Variants in STEAP1B observed in about 807,000 individuals in gnomAD.
The protein encoded by STEAP1B is STEAP family protein MGC87042.
STEAP1B carries 13 observed loss-of-function variants against 27.9 expected under a neutral mutation model. That is an observed-to-expected ratio of 0.47 (90% CI 0.30 to 0.74). The LOEUF (loss-of-function observed/expected upper bound fraction) is 0.74. Among genes scored for constraint, STEAP1B ranks in the 30% least tolerant of loss-of-function variants. The pLI, the probability that STEAP1B is intolerant of heterozygous loss-of-function variation, is 0.06. For missense variants in STEAP1B, 250 were observed against 298.7 expected (o/e 0.84, Z 1.20); for synonymous variants, 86 against 107.1 (o/e 0.80, Z 1.22).
chr7:22,420,696 C>G (rs562953178), intron 4 of STEAP1B, among the ~76,000 whole-genome samples: 4 of 152,362 alleles, frequency 2.6e-5, no homozygotes, highest in African/African-American at 9.6e-5. Context: ...GACTTGAGAG[C>G]TTCTCTGAGA....
At chr7:22,450,485 A>G (rs1189157418) in intron 4 of STEAP1B, among the ~76,000 whole-genome samples, 1 of 152,040 alleles carries the variant, frequency 6.6e-6, no homozygotes, top group Admixed American at 6.5e-5. Context: ...AGTTCACTGT[A>G]GGTGTCTGAA....
At chr7:22,475,862 G>A (rs918847535) in intron 4 of STEAP1B, among the ~76,000 whole-genome samples, 17 of 152,312 alleles carry the variant, frequency 1.1e-4, no homozygotes, top group African/African-American at 4.1e-4. Context: ...TTAGGGAAAG[G>A]GTGCTAAGTG....
intron 4 of STEAP1B, among the ~76,000 whole-genome samples, chr7:22,456,972 A>ATATATATATATATATATATATATTTTT: frequency 1.2e-4 from 7 of 57,070 alleles, no homozygotes; most frequent in Non-Finnish European, 2.0e-4. Context: ...ATATATATAT[A>ATATATATATATATATATATATATTTTT]TTTTTTTTTT....
At chr7:22,467,675 CTT>C (rs1448862672) in intron 4 of STEAP1B, among the ~76,000 whole-genome samples, 3 of 152,178 alleles carry the variant, frequency 2.0e-5, no homozygotes, top group Admixed American at 6.5e-5. Context: ...TCACTCTTCT[CTT>C]GTCTGCTGCC....
intron 1 of STEAP1B, among the ~76,000 whole-genome samples, chr7:22,499,684 G>A (rs1436341520): frequency 2.6e-5 from 4 of 152,158 alleles, no homozygotes; most frequent in Non-Finnish European, 1.5e-5. Flanking sequence ...GAAAACCTCT[G>A]TTACCAGGAA....
At chr7:22,449,299 C>T (rs1248000453) in intron 4 of STEAP1B, among the ~76,000 whole-genome samples, 1 of 152,202 alleles carries the variant, frequency 6.6e-6, no homozygotes, top group Non-Finnish European at 1.5e-5. Flanking sequence ...CCAAACACTA[C>T]CCTTCCCAGC....
chr7:22,472,429 TTGATGTCC>T (rs1241967307), intron 4 of STEAP1B, among the ~76,000 whole-genome samples: 1 of 152,140 alleles, frequency 6.6e-6, no homozygotes, highest in African/African-American at 2.4e-5. Flanking sequence ...CTTGGCGTCT[TTGATGTCC>T]TGCAGGTCAG....
intron 4 of STEAP1B, among the ~76,000 whole-genome samples, chr7:22,454,052 A>G (rs1044672519): frequency 1.2e-4 from 18 of 152,230 alleles, no homozygotes; most frequent in African/African-American, 4.3e-4. Flanking sequence ...TGGGTATTGT[A>G]TCAGTCCAAT....
chr7:22,469,860 A>C (rs1008892134), intron 4 of STEAP1B, among the ~76,000 whole-genome samples: 1 of 152,232 alleles, frequency 6.6e-6, no homozygotes, highest in Non-Finnish European at 1.5e-5. Flanking sequence ...CTATTGGATA[A>C]AGAAGTTACA....
At chr7:22,481,884 T>C (rs564011102) in intron 4 of STEAP1B, among the ~76,000 whole-genome samples, 2 of 152,176 alleles carry the variant, frequency 1.3e-5, no homozygotes, top group Admixed American at 1.3e-4. Flanking sequence ...CTGTAATCCT[T>C]GAGGGTGGGG....
At chr7:22,439,056 A>G (rs1785293022) in intron 4 of STEAP1B, among the ~76,000 whole-genome samples, 1 of 152,236 alleles carries the variant, frequency 6.6e-6, no homozygotes, top group Non-Finnish European at 1.5e-5. Flanking sequence ...GATGACATTT[A>G]CTATCCAACA....
At chr7:22,434,479 T>C (rs1339091148) in intron 4 of STEAP1B, among the ~76,000 whole-genome samples, 2 of 152,160 alleles carry the variant, frequency 1.3e-5, no homozygotes, top group Non-Finnish European at 2.9e-5. Flanking sequence ...GAATGTTTCC[T>C]TTCTTTCATA....
chr7:22,427,119 G>A (rs1785118719), intron 4 of STEAP1B, among the ~76,000 whole-genome samples: 1 of 152,196 alleles, frequency 6.6e-6, no homozygotes. Context: ...AGAGGCCCAG[G>A]CCACAGAGGA....
intron 4 of STEAP1B, among the ~76,000 whole-genome samples, chr7:22,450,973 T>C (rs1313885817): frequency 6.6e-6 from 1 of 152,154 alleles, no homozygotes; most frequent in Non-Finnish European, 1.5e-5. Context: ...GGTAGGCAGA[T>C]CACCTGAGGT....
chr7:22,440,403 T>C (rs1436555507), intron 4 of STEAP1B, among the ~76,000 whole-genome samples: 1 of 152,238 alleles, frequency 6.6e-6, no homozygotes, highest in Non-Finnish European at 1.5e-5. Flanking sequence ...TTTGACAAGC[T>C]GTATTTTGTA....
At chr7:22,420,256 G>A (rs1038124685) in intron 4 of STEAP1B, among the ~76,000 whole-genome samples, 42 of 152,188 alleles carry the variant, frequency 2.8e-4, no homozygotes, top group Non-Finnish European at 5.0e-4. Context: ...CACAGTAAAA[G>A]AAAGTGTGTA....
At chr7:22,459,483 G>A (rs988676989) in intron 4 of STEAP1B, among the ~76,000 whole-genome samples, 1 of 152,182 alleles carries the variant, frequency 6.6e-6, no homozygotes, top group African/African-American at 2.4e-5. Flanking sequence ...GGGTACCACG[G>A]CCATAAGACC....
intron 4 of STEAP1B, among the ~76,000 whole-genome samples, chr7:22,426,930 C>A (rs2686491): frequency 0.72 from 108,828 of 152,126 alleles, 39,317 homozygotes; most frequent in Middle Eastern, 0.78. Context: ...GAAGGAAGGA[C>A]TGCTGGATAA....
At chr7:22,435,129 G>A (rs111365979) in intron 4 of STEAP1B, among the ~76,000 whole-genome samples, 179 of 152,234 alleles carry the variant, frequency 1.2e-3, no homozygotes, top group African/African-American at 4.1e-3. Flanking sequence ...CAGATTTACC[G>A]AAACAAGTGA....
Sources: allele counts gnomAD v4.1 joint callset (sites outside exome capture counted in the v4.1 genomes callset), GRCh38; gene constraint gnomAD v4.1.1; transcripts MANE v1.5; gene names NCBI Gene and HGNC (gene_info 2026-07-23, HGNC 2026-07-21).